Variants in SYTL3 observed in about 807,000 individuals in gnomAD.
SYTL3 encodes the protein synaptotagmin-like protein 3.
Under a neutral mutation model 82.1 loss-of-function variants are expected in SYTL3, and 88 were observed. That is an observed-to-expected ratio of 1.07 (90% confidence interval 0.90 to 1.28). SYTL3 has a LOEUF of 1.28. Ranked by LOEUF, SYTL3 falls within the 50% of genes most tolerant of loss-of-function variation. SYTL3 has a pLI of 0.00. For missense variants in SYTL3, 831 were observed against 757.6 expected, an observed-to-expected ratio of 1.10 and a Z score of -1.14; for synonymous variants, 311 against 289.4, an observed-to-expected ratio of 1.07 and a Z score of -0.76.
rs144802799 is a variant in SYTL3 at position 158,716,641 on chromosome 6, C to T, written c.596-1446C>T. 7.0e-3 allele frequency among the ~76,000 whole-genome samples: 1,071 copies of T among 152,280 alleles called. 7 individuals carry two copies. The highest frequency in any genetic ancestry group is 0.01 in the Non-Finnish European group (691 of 68,024). On this transcript the variant is annotated intron_variant, in intron 9 of 17. Coordinates refer to ENST00000611299, the MANE Select transcript of SYTL3 (RefSeq NM_001242394.2). ...TGGTGGAAAAGCTGGACACCCCAGC[C>T]GTTCCCTCTTTAGATGAAAGAGATA...
chr6:158,669,157 A>G (rs555056289), intron 5 of SYTL3, among the ~76,000 whole-genome samples: 6 of 152,322 alleles, frequency 3.9e-5, no homozygotes, highest in Non-Finnish European at 8.8e-5. Context: ...TATGCTTTGT[A>G]TGTTTGTTTT....
At chr6:158,754,096 CCAT>C (rs1413871479) in intron 13 of SYTL3, among the ~76,000 whole-genome samples, 3 of 152,128 alleles carry the variant, frequency 2.0e-5, no homozygotes, top group Non-Finnish European at 4.4e-5. Flanking sequence ...CTGAGGTGAG[CCAT>C]CAGAGTACGA....
chr6:158,763,536 G>A (rs531480441), intron 17 of SYTL3, 27 bp downstream of exon 17: 6 of 1,591,426 alleles, frequency 3.8e-6, no homozygotes, highest in Non-Finnish European at 5.2e-6. Context: ...GAGCCCAAAC[G>A]TTTATACTTT....
intron 1 of SYTL3, among the ~76,000 whole-genome samples, 183 bp from the exon 2 acceptor site, chr6:158,651,570 G>A (rs568963097): frequency 9.5e-4 from 145 of 152,220 alleles, no homozygotes; most frequent in Non-Finnish European, 1.9e-3. Flanking sequence ...CCTGGTGACA[G>A]AGCGAGACTC....
intron 11 of SYTL3, among the ~76,000 whole-genome samples, chr6:158,736,563 C>T (rs549488869): frequency 4.0e-4 from 61 of 151,876 alleles, no homozygotes; most frequent in African/African-American, 1.4e-3. Context: ...CCAAGGCGGG[C>T]GGATCACCTG....
Position 158,757,365 on chromosome 6 carries a change from A to G in SYTL3, c.1292A>G (p.His431Arg). The G allele has an allele frequency of 6.2e-7, 1 of 1,613,956 alleles. No individual in the cohort carries two copies. The highest frequency in any genetic ancestry group is 1.1e-5 in the South Asian group (1 of 91,058). Residue 431 changes from histidine to arginine, a missense_variant, in exon 14 of 18, where the codon CAT (histidine) becomes CGT (arginine). Physicochemically the swap from His to Arg is conservative, Grantham distance 29. Coordinates refer to ENST00000611299, the MANE Select transcript of SYTL3 (RefSeq NM_001242394.2). ...AGCACAACACAGTCCTTCCGCTGGC[A>G]TCCGCTCCGGGCCAAGGTGATGTCT... ...EDSTTQSFRW[H>R]PLRAKAEKYE...
intron 10 of SYTL3, among the ~76,000 whole-genome samples, chr6:158,722,147 TTTTG>T (rs144541246): frequency 0.15 from 23,245 of 151,282 alleles, 2,076 homozygotes; most frequent in African/African-American, 0.24. Flanking sequence ...AACTTTCTTT[TTTTG>T]TTTGTTTGTT....
chr6:158,664,289 C>T (rs1474562944), intron 4 of SYTL3, among the ~76,000 whole-genome samples: 9 of 152,208 alleles, frequency 5.9e-5, no homozygotes, highest in African/African-American at 2.2e-4. Context: ...TCACGCCTGT[C>T]ATCCCAGCAC....
intron 6 of SYTL3, among the ~76,000 whole-genome samples, chr6:158,702,552 G>C (rs556290777): frequency 2.9e-4 from 43 of 146,554 alleles, no homozygotes; most frequent in African/African-American, 8.4e-4. Context: ...AAAAACAAGA[G>C]GGGGGGAAAA....
intron 13 of SYTL3, among the ~76,000 whole-genome samples, chr6:158,752,720 G>A (rs1031357306): frequency 1.1e-4 from 16 of 152,212 alleles, no homozygotes; most frequent in African/African-American, 1.2e-4. Flanking sequence ...CTACCCTGCC[G>A]GGGCTGGGCA....
At chr6:158,720,580 G>A (rs1337152636) in intron 10 of SYTL3, among the ~76,000 whole-genome samples, 1 of 152,096 alleles carries the variant, frequency 6.6e-6, no homozygotes, top group South Asian at 2.1e-4. Flanking sequence ...GAGGGTTCAG[G>A]AAGGGGCGTG....
intron 6 of SYTL3, among the ~76,000 whole-genome samples, chr6:158,706,277 T>C (rs2129207): frequency 1 from 151,776 of 152,268 alleles, 75,643 homozygotes; most frequent in Middle Eastern, 1. Flanking sequence ...AGGACCCTGA[T>C]CTAGGGGCTG....
At chr6:158,672,713 C>A (rs959887922) in intron 5 of SYTL3, among the ~76,000 whole-genome samples, 1 of 151,930 alleles carries the variant, frequency 6.6e-6, no homozygotes, top group Non-Finnish European at 1.5e-5. Flanking sequence ...CTCACTGCAA[C>A]CTCCGCCTCC....
chr6:158,678,699 T>C (rs1384280975), intron 5 of SYTL3, among the ~76,000 whole-genome samples: 1 of 152,226 alleles, frequency 6.6e-6, no homozygotes, highest in Non-Finnish European at 1.5e-5. Context: ...TTGGCATTTG[T>C]AATTCTAGTG....
Position 158,717,777 on chromosome 6 carries a change from C to T in SYTL3, c.596-310C>T, listed in dbSNP as rs1212340070. ...GATGAGTGCACACACATATGTGTGA[C>T]CTGGAACGCAGAGGAGCTTGGGTGG... is the stretch of plus-strand genomic sequence containing the variant. On this transcript the variant is annotated intron_variant, in intron 9 of 17. Coordinates refer to ENST00000611299, the MANE Select transcript of SYTL3 (RefSeq NM_001242394.2). Among the ~76,000 whole-genome samples the T allele has an allele frequency of 5.3e-5, 8 of 152,214 alleles. No individual in the cohort carries two copies. In the South Asian group the frequency reaches 1.7e-3, roughly 32 times the overall value.
At chr6:158,723,232 C>A (rs994049852) in intron 10 of SYTL3, among the ~76,000 whole-genome samples, 1 of 151,488 alleles carries the variant, frequency 6.6e-6, no homozygotes, top group Non-Finnish European at 1.5e-5. Context: ...GTAGCTAGGA[C>A]TACAGGCACG....
At chr6:158,760,531 C>T in intron 14 of SYTL3, 109 bp from the exon 15 acceptor site, 1 of 902,486 alleles carries the variant, frequency 1.1e-6, no homozygotes, top group East Asian at 2.5e-5. Context: ...CAGGGCCTTG[C>T]AGGGGCCAGG....
intron 6 of SYTL3, among the ~76,000 whole-genome samples, chr6:158,700,835 C>G (rs1189201416): frequency 6.6e-6 from 1 of 152,006 alleles, no homozygotes. Flanking sequence ...CCAGGATGGT[C>G]TCGATCTCCT....
intron 6 of SYTL3, among the ~76,000 whole-genome samples, chr6:158,698,005 G>A (rs1295612441): frequency 1.3e-5 from 2 of 152,218 alleles, no homozygotes; most frequent in Non-Finnish European, 2.9e-5. Flanking sequence ...ACTGGTTGCT[G>A]ATTCACAGTC....
Sources: gnomAD v4.1 joint callset for allele counts (sites outside exome capture counted in the v4.1 genomes callset) on GRCh38, gnomAD v4.1.1 for gene constraint, MANE v1.5 for transcripts, NCBI Gene and HGNC (gene_info 2026-07-23, HGNC 2026-07-21) for gene names.